The following ARID1B variants were observed in gnomAD, a reference collection of about 807,000 sequenced individuals.
ARID1B encodes AT-rich interactive domain-containing protein 1B.
ARID1B carries 30 observed loss-of-function variants against 212.3 expected under a neutral mutation model. That is an observed-to-expected ratio of 0.14 (90% CI 0.11 to 0.19). The LOEUF (loss-of-function observed/expected upper bound fraction) is 0.19, where lower values mean the gene tolerates loss of function less well. Among genes scored for constraint, ARID1B ranks in the 10% least tolerant of loss-of-function variants. The pLI, the probability that ARID1B is intolerant of heterozygous loss-of-function variation, is 1.00. For missense variants in ARID1B, 2,891 were observed against 3,204.0 expected, an observed-to-expected ratio of 0.90 and a Z score of 2.36; for synonymous variants, 1,402 against 1,301.7, an observed-to-expected ratio of 1.08 and a Z score of -1.66.
At chr6:157,003,946 A>G (rs1167370207) in intron 4 of ARID1B, among the ~76,000 whole-genome samples, 1 of 151,924 alleles carries the variant, frequency 6.6e-6, no homozygotes, top group East Asian at 1.9e-4. Flanking sequence ...ACCAGCCTGG[A>G]CAACATGGTG....
At chr6:157,001,421 C>T (rs1262530567) in intron 4 of ARID1B, among the ~76,000 whole-genome samples, 1 of 152,210 alleles carries the variant, frequency 6.6e-6, no homozygotes, top group African/African-American at 2.4e-5. Flanking sequence ...CTCTGACCAG[C>T]TGCAGATGAC....
At chr6:157,184,647 G>A in intron 13 of ARID1B, 1 of 623,570 alleles carries the variant, frequency 1.6e-6, no homozygotes. Flanking sequence ...ATTTCTGGTT[G>A]ACACTTGGAA....
At position 157,206,430 on chromosome 6, in the gene ARID1B, C is replaced by T. The variant is rs533990759; in HGVS notation, c.5658C>T (p.Ile1886=). ...EKTESDEKSS[I]ALTAPDAAAD... Reference sequence around the variant, plus strand: ...CAGAAAGCGATGAAAAGAGCAGCATCGCTCTGACTGCCCCGGACGCCGCTG... The same window carrying T: ...CAGAAAGCGATGAAAAGAGCAGCATTGCTCTGACTGCCCCGGACGCCGCTG... The change falls in exon 20 of 20, where the codon ATC becomes ATT. Residue 1886 remains isoleucine (I), a synonymous_variant. Coordinates refer to ENST00000636930, the MANE Select transcript of ARID1B (RefSeq NM_001374828.1). The surrounding 1 kb of genome is among the most constrained non-coding windows in gnomAD (Gnocchi z 6.8). 9 of 1,614,120 alleles carry T rather than the reference C, an allele frequency of 5.6e-6. No homozygotes were observed. The East Asian group carries it at 6.7e-5, about 12-fold the overall frequency.
chr6:156,960,220 C>T lies in ARID1B; in HGVS notation c.2247+24644C>T, dbSNP rs147230374. On this transcript the variant is annotated intron_variant, in intron 4 of 19. Coordinates refer to ENST00000636930, the MANE Select transcript of ARID1B (RefSeq NM_001374828.1). The stretch of plus-strand genomic sequence containing the variant: ...CTGGGATTACAGGCATGAGCCACCA[C>T]GCCTGGCCACTTGTCCCCTTCTTAA... 9.3e-3 allele frequency among the ~76,000 whole-genome samples: 1,408 copies of T among 152,168 alleles called. 12 individuals carry two copies. The highest frequency in any genetic ancestry group is 0.016 in the Non-Finnish European group (1,078 of 68,000).
chr6:157,066,486 T>C lies in ARID1B; in HGVS notation c.2248-18176T>C, dbSNP rs777379331. 4.8e-4 allele frequency among the ~76,000 whole-genome samples: 73 copies of C among 152,308 alleles called. No individual in the cohort carries two copies. In the Middle Eastern group the frequency reaches 0.017, roughly 35 times the overall value. Reference sequence around the variant, plus strand: ...TTTAAAGTATCTTCCATTAAATATATAAATATCTCAATGAAGAAAGTTTTA... The same window carrying C: ...TTTAAAGTATCTTCCATTAAATATACAAATATCTCAATGAAGAAAGTTTTA... On this transcript the variant is annotated intron_variant, in intron 4 of 19. Coordinates refer to ENST00000636930, the MANE Select transcript of ARID1B (RefSeq NM_001374828.1).
At chr6:156,804,853 T>G (rs1450789999) in intron 1 of ARID1B, among the ~76,000 whole-genome samples, 3 of 135,052 alleles carry the variant, frequency 2.2e-5, no homozygotes, top group East Asian at 2.0e-4. Context: ...CTAAGAGAGA[T>G]GTGATCTGAT....
Position 157,136,777 on chromosome 6 carries a change from G to T in ARID1B, c.2761+3570G>T, listed in dbSNP as rs904109588. On this transcript the variant is annotated intron_variant, in intron 7 of 19. Coordinates refer to ENST00000636930, the MANE Select transcript of ARID1B (RefSeq NM_001374828.1). ...CTTGGGAGGCTGAGGCACAAGAATCGCTTGAACCCGGGACGTGGAGGCTGC... is the reference window on the plus strand; with the variant it reads ...CTTGGGAGGCTGAGGCACAAGAATCTCTTGAACCCGGGACGTGGAGGCTGC... Among the ~76,000 whole-genome samples, 3 of 152,116 alleles carry T rather than the reference G, an allele frequency of 2.0e-5. No individual in the cohort carries two copies. In the East Asian group the frequency reaches 5.8e-4, roughly 29 times the overall value.
At chr6:156,945,232 G>GCTT in intron 4 of ARID1B, among the ~76,000 whole-genome samples, 7 of 70,722 alleles carry the variant, frequency 9.9e-5, no homozygotes. Context: ...CCCGCATCCG[G>GCTT]CTTTTTTTTT....
intron 1 of ARID1B, among the ~76,000 whole-genome samples, chr6:156,799,535 G>T (rs1166132225): frequency 6.6e-6 from 1 of 152,212 alleles, no homozygotes; most frequent in Non-Finnish European, 1.5e-5. Flanking sequence ...CTGGAGTGCA[G>T]TGGTGCTATC....
intron 4 of ARID1B, among the ~76,000 whole-genome samples, chr6:157,076,603 A>G (rs1784327076): frequency 6.6e-6 from 1 of 151,666 alleles, no homozygotes; most frequent in Admixed American, 6.6e-5. Flanking sequence ...CTTCTAAGAT[A>G]AACAGTAAAG....
rs1260528523 is a variant in ARID1B, at chr6:157,189,676, C to G, written c.3954C>G (p.Pro1318=). ...GATCCTTGCAAGGCCCACAGACCCCCCAGTCAACTGGCAGCAATTCCATGG... is the reference window on the plus strand; with the variant it reads ...GATCCTTGCAAGGCCCACAGACCCCGCAGTCAACTGGCAGCAATTCCATGG... ...NSGSLQGPQT[P]QSTGSNSMAE... The change falls in exon 14 of 20, where the codon CCC becomes CCG. Residue 1318 remains proline, a synonymous_variant. Coordinates refer to ENST00000636930, the MANE Select transcript of ARID1B (RefSeq NM_001374828.1). 1.2e-6 allele frequency: 2 copies of G among 1,613,838 alleles called. No individual in the cohort carries two copies. The highest frequency in any genetic ancestry group is 1.7e-5 in the Admixed American group (1 of 59,832).
At position 156,777,896 on chromosome 6, in the gene ARID1B, C is replaced by G. The variant is rs900227420; in HGVS notation, c.216C>G (p.His72Gln). ...GDGGGGLNSVHHHPLLPRHEL... is the reference protein window; with the variant it reads ...GDGGGGLNSVQHHPLLPRHEL... Reference sequence around the variant, plus strand: ...GCGGCGGCGGCCTGAACAGTGTGCACCACCACCCCCTGCTCCCCCGTCACG... The same window carrying G: ...GCGGCGGCGGCCTGAACAGTGTGCAGCACCACCCCCTGCTCCCCCGTCACG... The change falls in exon 1 of 20, where the codon CAC becomes CAG. Residue 72 changes from histidine (H) to glutamine (Q), a missense_variant. Transcript: ENST00000636930. 1 of 1,498,150 alleles carries G rather than the reference C, an allele frequency of 6.7e-7. No homozygotes were observed. The highest frequency in any genetic ancestry group is 2.5e-5 in the East Asian group (1 of 40,166). The allele number at this position is 1,498,150 out of a possible 1,614,324, so 92.8% of individuals were successfully genotyped here.
intron 13 of ARID1B, among the ~76,000 whole-genome samples, chr6:157,188,251 T>C (rs2128336028): frequency 6.6e-6 from 1 of 152,204 alleles, no homozygotes; most frequent in Non-Finnish European, 1.5e-5. Flanking sequence ...AGTCAGTCTT[T>C]GTGGCATCTC....
intron 3 of ARID1B, among the ~76,000 whole-genome samples, chr6:156,925,573 A>G (rs1467960179): frequency 1.3e-5 from 2 of 152,226 alleles, no homozygotes; most frequent in African/African-American, 4.8e-5. Context: ...TTGAATTGAT[A>G]GAAAATAAAT....
chr6:157,076,871 T>TGGTATTA (rs1272819264), intron 4 of ARID1B, among the ~76,000 whole-genome samples: 1 of 152,228 alleles, frequency 6.6e-6, no homozygotes, highest in Non-Finnish European at 1.5e-5. Flanking sequence ...TCTTCCTCAG[T>TGGTATTA]GGTATTAGGT....
chr6:156,909,123 CTTTTTTTTT>C (rs60183999), intron 3 of ARID1B, among the ~76,000 whole-genome samples: 3 of 108,822 alleles, frequency 2.8e-5, no homozygotes, highest in African/African-American at 7.5e-5. Context: ...TTTTCTTTCT[CTTTTTTTTT>C]TTTTTTTTTT....
chr6:157,019,638 T>C (rs1034040701), intron 4 of ARID1B, among the ~76,000 whole-genome samples: 4 of 152,086 alleles, frequency 2.6e-5, no homozygotes, highest in African/African-American at 9.7e-5. Flanking sequence ...GTCCATTAAA[T>C]GTTGGTACTC....
At chr6:157,177,880 A>G (rs986020612) in intron 11 of ARID1B, among the ~76,000 whole-genome samples, 9 of 152,278 alleles carry the variant, frequency 5.9e-5, no homozygotes, top group African/African-American at 1.9e-4. Flanking sequence ...TTGTTTGCCT[A>G]CTGTCAGTGG....
At chr6:156,781,068 A>AT (rs1388457134) in intron 1 of ARID1B, among the ~76,000 whole-genome samples, 4 of 152,154 alleles carry the variant, frequency 2.6e-5, no homozygotes, top group East Asian at 1.9e-4. Flanking sequence ...TTTAAGCTTC[A>AT]TTTTTTTGTG....
Sources: allele counts gnomAD v4.1 joint callset (sites outside exome capture counted in the v4.1 genomes callset), GRCh38; gene constraint gnomAD v4.1.1; non-coding constraint Gnocchi (gnomAD v3.1); transcripts MANE v1.5; gene names NCBI Gene and HGNC (gene_info 2026-07-23, HGNC 2026-07-21).